MPDZ: variants seen among roughly 807,000 people sequenced by gnomAD.
MPDZ encodes multiple PDZ domain crumbs cell polarity complex component.
MPDZ carries 234 observed loss-of-function variants against 239.1 expected under a neutral mutation model. The observed-to-expected ratio is 0.98, with a 90% CI of 0.88 to 1.09. The LOEUF is 1.09. Ranked by LOEUF, MPDZ falls within the 50% of genes least tolerant of loss-of-function variation. MPDZ has a pLI of 0.00. For missense variants in MPDZ, 3,175 were observed against 2,510.0 expected (o/e 1.26, Z -5.66); for synonymous variants, 1,048 against 881.3 (o/e 1.19, Z -3.35).
At chr9:13,166,644 A>G (rs1951113642) in intron 22 of MPDZ, among the ~76,000 whole-genome samples, 1 of 152,016 alleles carries the variant, frequency 6.6e-6, no homozygotes, top group Non-Finnish European at 1.5e-5. Context: ...ATAATTTAAG[A>G]TTCTATAGTA....
intron 5 of MPDZ, among the ~76,000 whole-genome samples, chr9:13,222,739 G>GC (rs1042841415): frequency 6.6e-6 from 1 of 152,052 alleles, no homozygotes; most frequent in Non-Finnish European, 1.5e-5. Flanking sequence ...TTCTAAAAAT[G>GC]AAAGTGGATA....
At chr9:13,220,635 C>A (rs991247530) in intron 7 of MPDZ, among the ~76,000 whole-genome samples, 1 of 151,850 alleles carries the variant, frequency 6.6e-6, no homozygotes, top group African/African-American at 2.4e-5. Context: ...ACCGTTAACA[C>A]CCCTACTGAC....
At chr9:13,160,848 ATATATATATATATATATATAT>A (rs1950383856) in intron 23 of MPDZ, among the ~76,000 whole-genome samples, 1 of 117,390 alleles carries the variant, frequency 8.5e-6, no homozygotes, top group Non-Finnish European at 1.8e-5. Flanking sequence ...ATATATATAT[ATATATATATATATATATATAT>A]AAAACAGGTA....
intron 3 of MPDZ, among the ~76,000 whole-genome samples, chr9:13,246,576 G>A (rs754773112): frequency 6.6e-6 from 1 of 152,112 alleles, no homozygotes; most frequent in East Asian, 1.9e-4. Context: ...ACTATAGAAA[G>A]GTATTTGTGA....
chr9:13,223,505 C>T, intron 5 of MPDZ, 66 bp downstream of exon 5: 1 of 1,501,912 alleles, frequency 6.7e-7, no homozygotes, highest in Non-Finnish European at 8.9e-7. Flanking sequence ...TTCTAAATTC[C>T]TGCATAGTAA....
At chr9:13,193,354 C>A in intron 13 of MPDZ, 41 bp from the exon 14 acceptor site, 1 of 1,553,972 alleles carries the variant, frequency 6.4e-7, no homozygotes, top group African/African-American at 1.4e-5. Context: ...TTTTTATATT[C>A]TTTTTATTTT....
Position 13,136,691 on chromosome 9 carries a change from C to G in MPDZ, c.4292+21G>C, listed in dbSNP as rs773025171. ...ATGCTAACAAAAAGTATTTGGTAAA[C>G]TAGCAAAAGAAAATGATCACCTGAT... On this transcript the variant is annotated intron_variant, in intron 30 of 46. Transcript: ENST00000319217. The G allele has an allele frequency of 4.2e-6, 6 of 1,417,334 alleles. No homozygotes were observed. The South Asian group carries it at 5.0e-5, about 12-fold the overall frequency. 87.8% of individuals were successfully genotyped at this position (1,417,334 alleles called of 1,614,324 possible).
rs1404951572 is a variant in MPDZ, at chr9:13,198,733, CTCTCTGTGTGTGTGTG to C, written c.1547-2519_1547-2504del. ...TCTTATATTTAGGTCTTTAATCTCTCTCTCTGTGTGTGTGTGTGTGTGTGTGTGTGTGTGTGTGTGT... is the reference window on the plus strand; with the variant it reads ...TCTTATATTTAGGTCTTTAATCTCTCTGTGTGTGTGTGTGTGTGTGTGTGT... On this transcript the variant is annotated intron_variant, in intron 12 of 46. Transcript: ENST00000319217. 8.0e-3 allele frequency among the ~76,000 whole-genome samples: 712 copies of C among 89,508 alleles called. 15 individuals carry two copies. Among genetic ancestry groups the C allele is most frequent in the African/African-American group, 0.018 (640 of 35,368 alleles). 58.7% of individuals were successfully genotyped at this position (89,508 alleles called of 152,430 possible).
intron 24 of MPDZ, among the ~76,000 whole-genome samples, chr9:13,151,100 A>G (rs886564976): frequency 2.1e-4 from 32 of 152,076 alleles, no homozygotes; most frequent in African/African-American, 7.5e-4. Context: ...GCACAGTAAG[A>G]TACCATCTCA....
intron 34 of MPDZ, 78 bp from the exon 35 acceptor site, chr9:13,125,468 A>G: frequency 1.6e-6 from 2 of 1,288,820 alleles, no homozygotes; most frequent in Non-Finnish European, 2.2e-6. Context: ...ACCATTATCA[A>G]TGGAATCTAA....
At chr9:13,165,649 T>C (rs1396397939) in intron 22 of MPDZ, 7 of 429,822 alleles carry the variant, frequency 1.6e-5, no homozygotes, top group Admixed American at 1.3e-4. Flanking sequence ...ATCAGTCTTT[T>C]ATTCCTTGAT....
At chr9:13,260,500 G>A (rs1399433877) in intron 1 of MPDZ, among the ~76,000 whole-genome samples, 2 of 152,162 alleles carry the variant, frequency 1.3e-5, no homozygotes, top group African/African-American at 2.4e-5. Flanking sequence ...GAATAGCTGA[G>A]TATAGTACCT....
chr9:13,142,959 A>T (rs1433503022), intron 27 of MPDZ, among the ~76,000 whole-genome samples: 3 of 152,134 alleles, frequency 2.0e-5, no homozygotes, highest in South Asian at 2.1e-4. Flanking sequence ...GCATTGAAAC[A>T]GTTACGTTTC....
At chr9:13,238,062 T>C (rs536824661) in intron 3 of MPDZ, among the ~76,000 whole-genome samples, 1 of 152,308 alleles carries the variant, frequency 6.6e-6, no homozygotes, top group African/African-American at 2.4e-5. Flanking sequence ...AGCGAGGGTA[T>C]AGTCCTTGGT....
At chr9:13,199,383 C>A (rs377710630) in intron 12 of MPDZ, among the ~76,000 whole-genome samples, 43 of 151,964 alleles carry the variant, frequency 2.8e-4, no homozygotes, top group African/African-American at 9.6e-4. Context: ...ATTCATGTAT[C>A]AGTTCTAACC....
chr9:13,183,510 A>G lies in MPDZ; in HGVS notation c.2557T>C (p.Tyr853His). Reference sequence around the variant, plus strand: ...GATAAAATAGAGGCTTGAGTAGAGTAGATGCTGTCATTTTCAGGAGAGTAT... The same window carrying G: ...GATAAAATAGAGGCTTGAGTAGAGTGGATGCTGTCATTTTCAGGAGAGTAT... ...SPYSPENDSI[Y>H]STQASILSLH... is the part of the protein sequence containing the mutation. Residue 853 changes from tyrosine (Y) to histidine (H), a missense_variant, in exon 19 of 47, where the codon TAC (tyrosine) becomes CAC (histidine). By Grantham distance (83) the Tyr-to-His change is moderately conservative (BLOSUM62 2). Transcript: ENST00000319217. 1 of 1,612,580 alleles carries G rather than the reference A, an allele frequency of 6.2e-7. No individual in the cohort carries two copies. The highest frequency in any genetic ancestry group is 8.5e-7 in the Non-Finnish European group (1 of 1,179,098).
chr9:13,172,378 T>G (rs1169469916), intron 21 of MPDZ, among the ~76,000 whole-genome samples: 3 of 17,442 alleles, frequency 1.7e-4, no homozygotes, highest in Non-Finnish European at 2.7e-4. Context: ...ATGTCTTACT[T>G]TGTTTTTTGT....
rs1944444716 is a variant in MPDZ, at chr9:13,122,146, A to G, written c.4978T>C (p.Tyr1660His). The stretch of plus-strand genomic sequence containing the variant: ...TCTTTACATGCTGCTCCTTCTTCAT[A>G]AACTTCATGGATAATAATGGCACCC... Reference protein sequence around the residue: ...LLGAIIIHEVYEEGAACKDGR... With the variant: ...LLGAIIIHEVHEEGAACKDGR... Residue 1660 changes from tyrosine (Y) to histidine (H), a missense_variant, in exon 37 of 47, where the codon TAT becomes CAT. Physicochemically the swap from Tyr to His is moderately conservative, Grantham distance 83. Coordinates refer to ENST00000319217, the MANE Select transcript of MPDZ (RefSeq NM_001378778.1). The G allele has an allele frequency of 6.2e-7, 1 of 1,614,028 alleles. No individual in the cohort carries two copies. Among genetic ancestry groups the G allele is most frequent in the East Asian group, 2.2e-5 (1 of 44,880 alleles).
chr9:13,115,693 C>A (rs950937483), intron 39 of MPDZ, among the ~76,000 whole-genome samples: 8 of 152,068 alleles, frequency 5.3e-5, no homozygotes, highest in Non-Finnish European at 1.2e-4. Context: ...CGACTGTAAT[C>A]CCACCACTTT....
Sources: allele counts gnomAD v4.1 joint callset (sites outside exome capture counted in the v4.1 genomes callset), GRCh38; gene constraint gnomAD v4.1.1; transcripts MANE v1.5; gene names NCBI Gene and HGNC (gene_info 2026-07-23, HGNC 2026-07-21).